KCNK12: variants seen among roughly 807,000 people sequenced by gnomAD.
The protein encoded by KCNK12 is potassium two pore domain channel subfamily K member 12.
Under a neutral mutation model 25.3 loss-of-function variants are expected in KCNK12, and 6 were observed. The ratio of observed to expected loss-of-function variants is 0.24; its 90% confidence interval spans 0.13 to 0.47. The LOEUF (loss-of-function observed/expected upper bound fraction) is 0.47, where lower values mean the gene tolerates loss of function less well. Ranked by LOEUF, KCNK12 falls within the 20% of genes least tolerant of loss-of-function variation. The pLI is 0.99. For synonymous variants in KCNK12, 331 were observed against 311.1 expected (o/e 1.06, Z -0.67); for missense variants, 444 against 661.7 (o/e 0.67, Z 3.61).
At position 47,562,672 on chromosome 2, in the gene KCNK12, G is replaced by A; in HGVS notation, c.391+7269C>T. 4.3e-6 allele frequency: 1 copy of A among 233,226 alleles called. No individual in the cohort carries two copies. Among genetic ancestry groups the A allele is most frequent in the African/African-American group, 2.2e-5 (1 of 45,438 alleles). The allele number at this position is 233,226 out of a possible 1,614,324, so 14.4% of individuals were successfully genotyped here. A position where few individuals can be genotyped will look rare whatever the true frequency, so the allele number is the denominator to read the frequency against. On this transcript the variant is annotated intron_variant, in intron 1 of 1. Coordinates refer to ENST00000327876, the MANE Select transcript of KCNK12 (RefSeq NM_022055.2). This position sits in a 1 kb window ranked among gnomAD's most constrained non-coding sequence, Gnocchi z 4.8. ...AGTGGTAGCCAAGAGTTGGCTTAGG[G>A]TGAGAGCCAAGGGGCTTCAGTACCC... is the stretch of plus-strand genomic sequence containing the variant.
Position 47,528,039 on chromosome 2 carries a change from G to A in KCNK12, c.392-6231C>T, listed in dbSNP as rs891820026. ...TCACCTCTGGGACAGGGCGCATATA[G>A]TCTGGGCCAGAACTTGTCCTGGGGT... On this transcript the variant is annotated intron_variant, in intron 1 of 1. Transcript: ENST00000327876. The surrounding 1 kb of genome is among the most constrained non-coding windows in gnomAD (Gnocchi z 4.5). Among the ~76,000 whole-genome samples the A allele has an allele frequency of 6.6e-6, 1 of 152,182 alleles. No homozygotes were observed. The highest frequency in any genetic ancestry group is 2.4e-5 in the African/African-American group (1 of 41,450).
At chr2:47,530,245 G>A (rs924235203) in intron 1 of KCNK12, among the ~76,000 whole-genome samples, 7 of 152,206 alleles carry the variant, frequency 4.6e-5, no homozygotes, top group East Asian at 3.9e-4. Context: ...AGCCTGCTCC[G>A]TGGCTGGAAC....
chr2:47,553,675 T>C lies in KCNK12; in HGVS notation c.391+16266A>G, dbSNP rs561711735. Reference sequence around the variant, plus strand: ...TCTTCTAAAATAGTCATGATCACATTACACCCCTGTTCAAGAACTCCAGTG... The same window carrying C: ...TCTTCTAAAATAGTCATGATCACATCACACCCCTGTTCAAGAACTCCAGTG... On this transcript the variant is annotated intron_variant, in intron 1 of 1. Transcript: ENST00000327876. Among the ~76,000 whole-genome samples the C allele has an allele frequency of 3.0e-4, 45 of 152,348 alleles. No homozygotes were observed. The South Asian group carries it at 3.5e-3, about 12-fold the overall frequency.
rs1669846982 is a variant in KCNK12, at chr2:47,569,569, G to C, written c.391+372C>G. ...GGGTGGAGGGAGAAGGGGCTTTTGA[G>C]ATCATCCTGGAGAGGAAACTGAGGC... On this transcript the variant is annotated intron_variant, in intron 1 of 1. Coordinates refer to ENST00000327876, the MANE Select transcript of KCNK12 (RefSeq NM_022055.2). This position sits in a 1 kb window ranked among gnomAD's most constrained non-coding sequence, Gnocchi z 4.1. 3.3e-5 allele frequency among the ~76,000 whole-genome samples: 5 copies of C among 152,308 alleles called. No individual in the cohort carries two copies. The South Asian group carries it at 1.0e-3, about 32-fold the overall frequency.
intron 1 of KCNK12, among the ~76,000 whole-genome samples, chr2:47,554,023 C>T (rs1361268929): frequency 6.6e-6 from 1 of 152,190 alleles, no homozygotes; most frequent in African/African-American, 2.4e-5. Context: ...TTATGAAATA[C>T]CAGGGCCAGA....
rs1669525890 is a variant in KCNK12, at chr2:47,555,158, A to G, written c.391+14783T>C. Among the ~76,000 whole-genome samples, 1 of 152,222 alleles carries G rather than the reference A, an allele frequency of 6.6e-6. No homozygotes were observed. The highest frequency in any genetic ancestry group is 2.1e-4 in the South Asian group (1 of 4,826). On this transcript the variant is annotated intron_variant, in intron 1 of 1. Coordinates refer to ENST00000327876, the MANE Select transcript of KCNK12 (RefSeq NM_022055.2). The surrounding 1 kb of genome is among the most constrained non-coding windows in gnomAD (Gnocchi z 4.5). ...GTGGGCAGTTGGACCCATGGTTCTG[A>G]AGCTTAGTGTAGAAGATGGGTTATT...
In KCNK12 at chr2:47,521,144, G is replaced by A. The variant is rs1346078754; in HGVS notation, c.1056C>T (p.Pro352=). 1 of 1,269,396 alleles carries A rather than the reference G, an allele frequency of 7.9e-7. No individual in the cohort carries two copies. Among genetic ancestry groups the A allele is most frequent in the African/African-American group, 1.6e-5 (1 of 64,328 alleles). The allele number at this position is 1,269,396 out of a possible 1,614,324, so 78.6% of individuals were successfully genotyped here. Residue 352 remains proline, a synonymous_variant, in exon 2 of 2, where the codon CCC becomes CCT. Coordinates refer to ENST00000327876, the MANE Select transcript of KCNK12 (RefSeq NM_022055.2). ...RRRLAALGAD[P]AARDSDAEGR... is the part of the protein sequence containing the mutation. The stretch of plus-strand genomic sequence containing the variant: ...CCTCGGCGTCGCTGTCGCGGGCCGC[G>A]GGGTCGGCACCGAGCGCGGCCAGGC...
intron 1 of KCNK12, among the ~76,000 whole-genome samples, chr2:47,541,511 C>T (rs982702200): frequency 6.6e-6 from 1 of 152,100 alleles, no homozygotes; most frequent in Non-Finnish European, 1.5e-5. Context: ...GAGATGGTCT[C>T]GGTGACCTCC....
Position 47,529,891 on chromosome 2 carries a change from G to A in KCNK12, c.392-8083C>T, listed in dbSNP as rs1045373963. Among the ~76,000 whole-genome samples the A allele has an allele frequency of 6.6e-6, 1 of 152,138 alleles. No homozygotes were observed. Among genetic ancestry groups the A allele is most frequent in the African/African-American group, 2.4e-5 (1 of 41,418 alleles). Reference sequence around the variant, plus strand: ...ATAAGTATGTCCCAAATATTGCATAGGACATACTTATACTAAAATATAGTT... The same window carrying A: ...ATAAGTATGTCCCAAATATTGCATAAGACATACTTATACTAAAATATAGTT... On this transcript the variant is annotated intron_variant, in intron 1 of 1. Transcript: ENST00000327876. The surrounding 1 kb of genome is among the most constrained non-coding windows in gnomAD (Gnocchi z 4.3).
Position 47,519,045 on chromosome 2 carries a change from G to C in KCNK12, c.*1862C>G, listed in dbSNP as rs1668587867. ...CTGACAGTCACAGTGAATCCTGAAAGCATGGTTTTCACAGGAACCCACCTT... is the reference window on the plus strand; with the variant it reads ...CTGACAGTCACAGTGAATCCTGAAACCATGGTTTTCACAGGAACCCACCTT... On this transcript the variant is annotated 3_prime_UTR_variant, in exon 2 of 2. Transcript: ENST00000327876. The C allele has an allele frequency of 1.3e-5, 2 of 152,236 alleles. No individual in the cohort carries two copies. Among genetic ancestry groups the C allele is most frequent in the South Asian group, 4.1e-4 (2 of 4,834 alleles). The allele number at this position is 152,236 out of a possible 1,614,324, so 9.4% of individuals were successfully genotyped here.
chr2:47,520,320 T>A lies in KCNK12; in HGVS notation c.*587A>T, dbSNP rs1668623422. ...TCCAAATCTGGGGGAAATGCCACAG[T>A]CCGCAAGTTGGTGCTATGTTTCATC... On this transcript the variant is annotated 3_prime_UTR_variant, in exon 2 of 2. Transcript: ENST00000327876. This position sits in a 1 kb window ranked among gnomAD's most constrained non-coding sequence, Gnocchi z 5.0. 6.6e-6 allele frequency: 1 copy of A among 152,384 alleles called. No homozygotes were observed. Among genetic ancestry groups the A allele is most frequent in the Admixed American group, 6.5e-5 (1 of 15,290 alleles). 9.4% of individuals were successfully genotyped at this position (152,384 alleles called of 1,614,324 possible).
Position 47,509,348 on chromosome 2 carries a change from C to T in KCNK12, c.*11559G>A, listed in dbSNP as rs1309199839. ...CAGGAAACCTGATTCAGGCCAGGGT[C>T]TTGGAAGGTTGTTCAGGATGAGATG... On this transcript the variant is annotated 3_prime_UTR_variant, in exon 2 of 2. Coordinates refer to ENST00000327876, the MANE Select transcript of KCNK12 (RefSeq NM_022055.2). 6.6e-6 allele frequency among the ~76,000 whole-genome samples: 1 copy of T among 152,190 alleles called. No homozygotes were observed. Among genetic ancestry groups the T allele is most frequent in the Non-Finnish European group, 1.5e-5 (1 of 68,038 alleles).
intron 1 of KCNK12, among the ~76,000 whole-genome samples, chr2:47,550,230 C>T (rs1405707173): frequency 6.6e-6 from 1 of 152,040 alleles, no homozygotes; most frequent in Non-Finnish European, 1.5e-5. Context: ...TATAAACACG[C>T]AGATCCAAGG....
chr2:47,535,283 C>A, intron 1 of KCNK12: 1 of 233,176 alleles, frequency 4.3e-6, no homozygotes, highest in Non-Finnish European at 8.5e-6. Context: ...TCTGCTAGCC[C>A]GACCTGCACC....
intron 1 of KCNK12, among the ~76,000 whole-genome samples, chr2:47,552,540 G>C (rs868465004): frequency 6.6e-6 from 1 of 152,218 alleles, no homozygotes; most frequent in Admixed American, 6.5e-5. Context: ...GGCTAAAGTG[G>C]ACAGATTACT....
At chr2:47,526,121 G>A (rs554773797) in intron 1 of KCNK12, among the ~76,000 whole-genome samples, 5 of 152,190 alleles carry the variant, frequency 3.3e-5, no homozygotes, top group Middle Eastern at 3.4e-3. Flanking sequence ...GAGGCCGGGC[G>A]TGATGGCTCA....
chr2:47,564,513 T>C (rs2104896776), intron 1 of KCNK12: 1 of 214,070 alleles, frequency 4.7e-6, no homozygotes, highest in East Asian at 7.0e-5. Flanking sequence ...CCACTAAAAT[T>C]AGACTACGTG....
chr2:47,559,889 G>C (rs1669628356), intron 1 of KCNK12, among the ~76,000 whole-genome samples: 1 of 152,238 alleles, frequency 6.6e-6, no homozygotes. Context: ...GAAGGGAAGG[G>C]CATTCCAGGT....
chr2:47,558,290 G>A lies in KCNK12; in HGVS notation c.391+11651C>T, dbSNP rs114548779. Among the ~76,000 whole-genome samples the A allele has an allele frequency of 1.4e-3, 218 of 152,368 alleles. 1 individual carries two copies. The highest frequency in any genetic ancestry group is 5.0e-3 in the African/African-American group (207 of 41,584). ...AAGTGATTCCATGCCAAACCAGCAGGAAGTGTGGGGAGTGACAAAGAGGGT... is the reference window on the plus strand; with the variant it reads ...AAGTGATTCCATGCCAAACCAGCAGAAAGTGTGGGGAGTGACAAAGAGGGT... On this transcript the variant is annotated intron_variant, in intron 1 of 1. Transcript: ENST00000327876.
Sources: allele counts gnomAD v4.1 joint callset (sites outside exome capture counted in the v4.1 genomes callset), GRCh38; gene constraint gnomAD v4.1.1; non-coding constraint Gnocchi (gnomAD v3.1); transcripts MANE v1.5; gene names NCBI Gene and HGNC (gene_info 2026-07-23, HGNC 2026-07-21).